The following GRIN2B variants were observed in gnomAD, a reference collection of about 807,000 sequenced individuals.
GRIN2B encodes glutamate receptor ionotropic, NMDA 2B.
In GRIN2B, 5 loss-of-function variants were observed where a neutral mutation model predicts 114.5. The observed-to-expected ratio is 0.04, with a 90% CI of 0.02 to 0.09. The LOEUF is 0.09. GRIN2B is among the 10% of genes least tolerant of loss of function. GRIN2B has a pLI of 1.00. For missense variants in GRIN2B, 1,108 were observed against 1,943.5 expected (o/e 0.57, Z 8.08); for synonymous variants, 787 against 745.1 (o/e 1.06, Z -0.92).
intron 10 of GRIN2B, among the ~76,000 whole-genome samples, chr12:13,601,718 G>A (rs1949164581): frequency 1.3e-5 from 2 of 152,136 alleles, no homozygotes; most frequent in African/African-American, 4.8e-5. Context: ...CGTTCAAGGG[G>A]AAGGGGACCA....
intron 8 of GRIN2B, among the ~76,000 whole-genome samples, chr12:13,613,796 C>T (rs1398654793): frequency 1.3e-5 from 2 of 152,008 alleles, no homozygotes; most frequent in African/African-American, 4.8e-5. Flanking sequence ...ATAGTAGGTG[C>T]TCAATAAATG....
chr12:13,810,768 C>G (rs889353178), intron 3 of GRIN2B, among the ~76,000 whole-genome samples: 3 of 152,186 alleles, frequency 2.0e-5, no homozygotes, highest in African/African-American at 7.2e-5. Flanking sequence ...GTTGATTTCT[C>G]TTAACTGTCA....
chr12:13,537,499 G>T lies in GRIN2B; in HGVS notation c.*25284C>A, dbSNP rs2136374045. ...TATGTCCATTCTTCAGCTCCAAATG[G>T]AAGAGGAAAGAGGTCCTGGAGTTCC... On this transcript the variant is annotated 3_prime_UTR_variant, in exon 14 of 14. Coordinates refer to ENST00000609686, the MANE Select transcript of GRIN2B (RefSeq NM_000834.5). The T allele has an allele frequency of 6.6e-6, 1 of 152,264 alleles. No individual in the cohort carries two copies. Among genetic ancestry groups the T allele is most frequent in the East Asian group, 1.9e-4 (1 of 5,154 alleles). The allele number at this position is 152,264 out of a possible 1,614,324, so 9.4% of individuals were successfully genotyped here. A position where few individuals can be genotyped will look rare whatever the true frequency, so the allele number is the denominator to read the frequency against.
chr12:13,758,816 T>A (rs1399013159), intron 3 of GRIN2B, among the ~76,000 whole-genome samples: 1 of 152,196 alleles, frequency 6.6e-6, no homozygotes, highest in African/African-American at 2.4e-5. Context: ...ACAGTAAACA[T>A]GCATACTTGC....
intron 3 of GRIN2B, among the ~76,000 whole-genome samples, chr12:13,835,910 C>G (rs1048279640): frequency 2.6e-5 from 4 of 151,648 alleles, no homozygotes; most frequent in African/African-American, 9.7e-5. Context: ...AATAGTTCAA[C>G]TATGAAGAAG....
rs912026161 is a variant in GRIN2B at position 13,555,471 on chromosome 12, T to G, written c.*7312A>C. On this transcript the variant is annotated 3_prime_UTR_variant, in exon 14 of 14. Coordinates refer to ENST00000609686, the MANE Select transcript of GRIN2B (RefSeq NM_000834.5). ...CAAGAGTCAAATTGGATTGAGAGAT[T>G]TGTCTTTAGAGATAGTTGTAGGACG... 5 of 152,156 alleles carry G rather than the reference T, an allele frequency of 3.3e-5. No homozygotes were observed. Among genetic ancestry groups the G allele is most frequent in the African/African-American group, 1.2e-4 (5 of 41,450 alleles). The allele number at this position is 152,156 out of a possible 1,614,324, so 9.4% of individuals were successfully genotyped here.
At chr12:13,617,212 G>T (rs1456646832) in intron 5 of GRIN2B, among the ~76,000 whole-genome samples, 1 of 152,200 alleles carries the variant, frequency 6.6e-6, no homozygotes, top group Non-Finnish European at 1.5e-5. Context: ...ATCTAAATTG[G>T]AATAAAATTA....
intron 13 of GRIN2B, 67 bp downstream of exon 13, chr12:13,566,958 C>CTGCTT: frequency 9.2e-7 from 1 of 1,092,812 alleles, no homozygotes; most frequent in Non-Finnish European, 1.4e-6. Context: ...TTGGTTCTCT[C>CTGCTT]TGCTTTGCAC....
chr12:13,671,933 G>A (rs546999952), intron 5 of GRIN2B, among the ~76,000 whole-genome samples: 2 of 152,126 alleles, frequency 1.3e-5, no homozygotes, highest in Non-Finnish European at 2.9e-5. Context: ...GCCAGATAAT[G>A]AGTGTATTCA....
chr12:13,886,218 G>C (rs542893540), intron 2 of GRIN2B, among the ~76,000 whole-genome samples: 16 of 152,208 alleles, frequency 1.1e-4, no homozygotes, highest in Non-Finnish European at 2.1e-4. Context: ...ATTTACCGGT[G>C]TATGTACTGG....
intron 3 of GRIN2B, among the ~76,000 whole-genome samples, chr12:13,793,105 G>A (rs1003387254): frequency 6.6e-6 from 1 of 152,206 alleles, no homozygotes; most frequent in African/African-American, 2.4e-5. Flanking sequence ...TGAATGTGCT[G>A]GATAAAGTTA....
At chr12:13,937,304 AG>A (rs1188389389) in intron 2 of GRIN2B, among the ~76,000 whole-genome samples, 1 of 152,070 alleles carries the variant, frequency 6.6e-6, no homozygotes, top group Non-Finnish European at 1.5e-5. Context: ...TACAGGTCCA[AG>A]AAGCTCAGCA....
chr12:13,728,692 CTG>C (rs1313272775), intron 4 of GRIN2B, among the ~76,000 whole-genome samples: 1 of 152,148 alleles, frequency 6.6e-6, no homozygotes, highest in African/African-American at 2.4e-5. Context: ...CTATCACTGA[CTG>C]TACACACAGC....
intron 3 of GRIN2B, among the ~76,000 whole-genome samples, chr12:13,799,996 A>G (rs1400197930): frequency 6.6e-6 from 1 of 152,186 alleles, no homozygotes; most frequent in Non-Finnish European, 1.5e-5. Flanking sequence ...AATACCAGCC[A>G]TTCTTCAGTG....
chr12:13,594,519 T>C (rs1264887912), intron 10 of GRIN2B, among the ~76,000 whole-genome samples: 1 of 143,662 alleles, frequency 7.0e-6, no homozygotes, highest in African/African-American at 2.6e-5. Context: ...CACTGGGGCC[T>C]GTAAGGGGGT....
rs1948285091 is a variant in GRIN2B at position 13,542,055 on chromosome 12, T to C, written c.*20728A>G. 6.6e-6 allele frequency: 1 copy of C among 152,202 alleles called. No individual in the cohort carries two copies. The highest frequency in any genetic ancestry group is 2.4e-5 in the African/African-American group (1 of 41,448). 9.4% of individuals were successfully genotyped at this position (152,202 alleles called of 1,614,324 possible). On this transcript the variant is annotated 3_prime_UTR_variant, in exon 14 of 14. Transcript: ENST00000609686. ...TCATGCAGCCCCACTCAGAGTCCTTTTCTTTCTAAGCCCTCTCCTGATCCT... is the reference window on the plus strand; with the variant it reads ...TCATGCAGCCCCACTCAGAGTCCTTCTCTTTCTAAGCCCTCTCCTGATCCT...
chr12:13,889,954 T>G (rs1429757052), intron 2 of GRIN2B, among the ~76,000 whole-genome samples: 1 of 152,196 alleles, frequency 6.6e-6, no homozygotes, highest in Non-Finnish European at 1.5e-5. Context: ...CCTAGACTTC[T>G]AAGAAAAGCC....
intron 4 of GRIN2B, among the ~76,000 whole-genome samples, chr12:13,751,768 C>T (rs1366989383): frequency 6.6e-6 from 1 of 152,018 alleles, no homozygotes; most frequent in African/African-American, 2.4e-5. Context: ...GAGGTTGCAA[C>T]CAGAGATGTC....
intron 5 of GRIN2B, among the ~76,000 whole-genome samples, chr12:13,629,808 A>G (rs1213712413): frequency 6.6e-6 from 1 of 151,988 alleles, no homozygotes; most frequent in Admixed American, 6.6e-5. Flanking sequence ...GTCTTTACTC[A>G]TGCCAAAATC....
Sources: gnomAD v4.1 joint callset for allele counts (sites outside exome capture counted in the v4.1 genomes callset) on GRCh38, gnomAD v4.1.1 for gene constraint, MANE v1.5 for transcripts, NCBI Gene and HGNC (gene_info 2026-07-23, HGNC 2026-07-21) for gene names.